CLPB: variants seen among roughly 807,000 people sequenced by gnomAD.
The protein encoded by CLPB is ClpB family mitochondrial disaggregase.
In CLPB, 40 loss-of-function variants were observed where a neutral mutation model predicts 78.4. The ratio of observed to expected loss-of-function variants is 0.51; its 90% CI spans 0.40 to 0.66. CLPB has a LOEUF of 0.66. Ranked by LOEUF, CLPB falls within the 30% of genes least tolerant of loss-of-function variation. CLPB has a pLI of 0.00. For missense variants in CLPB, 780 were observed against 886.9 expected, an observed-to-expected ratio of 0.88 and a Z score of 1.53; for synonymous variants, 333 against 348.0, an observed-to-expected ratio of 0.96 and a Z score of 0.48.
In CLPB at chr11:72,411,560, T is replaced by A. The variant is rs1855875864; in HGVS notation, c.456-8508A>T. On this transcript the variant is annotated intron_variant, in intron 2 of 15. Coordinates refer to ENST00000538039, the MANE Select transcript of CLPB (RefSeq NM_001258392.3). ...GTGTAGCATCAAAATGAAAATTGAG[T>A]AGATTCCTAGCAGACGCTGCACTCA... 1.3e-5 allele frequency among the ~76,000 whole-genome samples: 2 copies of A among 152,082 alleles called. 1 individual carries two copies. The highest frequency in any genetic ancestry group is 4.1e-4 in the South Asian group (2 of 4,826).
chr11:72,340,858 T>G (rs187020876), intron 5 of CLPB, among the ~76,000 whole-genome samples: 1 of 152,330 alleles, frequency 6.6e-6, no homozygotes, highest in East Asian at 1.9e-4. Context: ...GAGTTATTAT[T>G]ATTATTTTTT....
chr11:72,322,399 A>C (rs2135537162), intron 6 of CLPB, among the ~76,000 whole-genome samples: 1 of 152,310 alleles, frequency 6.6e-6, no homozygotes, highest in East Asian at 1.9e-4. Context: ...TGCTCGTCTC[A>C]GGTGGAACTC....
chr11:72,404,788 C>T (rs1240672782), intron 2 of CLPB, among the ~76,000 whole-genome samples: 1 of 152,156 alleles, frequency 6.6e-6, no homozygotes, highest in Admixed American at 6.5e-5. Flanking sequence ...TGGGGTACAA[C>T]ATGTGAGGGA....
chr11:72,353,794 G>A (rs764616909), intron 5 of CLPB, among the ~76,000 whole-genome samples: 17 of 152,262 alleles, frequency 1.1e-4, no homozygotes, highest in South Asian at 8.3e-4. Flanking sequence ...CAGAGAGGCC[G>A]AACAAACTGC....
chr11:72,339,311 C>A (rs1950375813), intron 5 of CLPB, among the ~76,000 whole-genome samples: 1 of 152,118 alleles, frequency 6.6e-6, no homozygotes, highest in Non-Finnish European at 1.5e-5. Flanking sequence ...TAGAGGGCAC[C>A]TGAGAAAAAT....
At chr11:72,404,674 C>T (rs888161364) in intron 2 of CLPB, among the ~76,000 whole-genome samples, 1 of 152,138 alleles carries the variant, frequency 6.6e-6, no homozygotes, top group Non-Finnish European at 1.5e-5. Context: ...ACTGGCCAAA[C>T]AAAAGCAGGT....
At chr11:72,314,305 C>T (rs955521582) in intron 7 of CLPB, among the ~76,000 whole-genome samples, 1 of 152,104 alleles carries the variant, frequency 6.6e-6, no homozygotes, top group Non-Finnish European at 1.5e-5. Context: ...AGAAAGCTGC[C>T]GGGTATGTGC....
At chr11:72,337,571 T>A (rs1037887344) in intron 5 of CLPB, among the ~76,000 whole-genome samples, 6 of 152,186 alleles carry the variant, frequency 3.9e-5, no homozygotes, top group African/African-American at 1.4e-4. Context: ...TAAAATAATT[T>A]ACCCATGGTC....
intron 4 of CLPB, chr11:72,363,247 A>AATAG (rs1950875917): frequency 6.6e-6 from 1 of 152,264 alleles, no homozygotes; most frequent in South Asian, 2.1e-4. Context: ...TGAGCATAAG[A>AATAG]ATAGAGTTCT....
chr11:72,401,390 C>G (rs1855557130), intron 3 of CLPB, among the ~76,000 whole-genome samples: 1 of 152,062 alleles, frequency 6.6e-6, no homozygotes, highest in South Asian at 2.1e-4. Flanking sequence ...TGCAGTGATC[C>G]AAGATCGCGC....
At chr11:72,404,987 G>A (rs773789607) in intron 2 of CLPB, among the ~76,000 whole-genome samples, 7 of 152,198 alleles carry the variant, frequency 4.6e-5, no homozygotes, top group Non-Finnish European at 7.3e-5. Context: ...TTGTTTAGCA[G>A]GCCACGTGAT....
At chr11:72,421,353 G>A (rs939486583) in intron 2 of CLPB, among the ~76,000 whole-genome samples, 3 of 151,942 alleles carry the variant, frequency 2.0e-5, no homozygotes, top group Non-Finnish European at 2.9e-5. Flanking sequence ...ACGTGTTTCC[G>A]TGTCATCTTA....
At chr11:72,386,695 T>G (rs147859079) in intron 3 of CLPB, among the ~76,000 whole-genome samples, 1 of 152,246 alleles carries the variant, frequency 6.6e-6, no homozygotes, top group Non-Finnish European at 1.5e-5. Flanking sequence ...GTGAGTCTTC[T>G]GTGCCTACTC....
At chr11:72,418,712 G>A (rs999986035) in intron 2 of CLPB, among the ~76,000 whole-genome samples, 2 of 151,920 alleles carry the variant, frequency 1.3e-5, no homozygotes, top group African/African-American at 2.4e-5. Flanking sequence ...AAAATTAGCC[G>A]GGTGTGGTGG....
At chr11:72,303,276 A>G (rs1256417180) in intron 9 of CLPB, among the ~76,000 whole-genome samples, 1 of 152,210 alleles carries the variant, frequency 6.6e-6, no homozygotes, top group Non-Finnish European at 1.5e-5. Flanking sequence ...GCTTCTCCTG[A>G]GAGCCGGTGA....
chr11:72,425,869 T>C (rs868817566), intron 2 of CLPB, among the ~76,000 whole-genome samples: 1 of 152,200 alleles, frequency 6.6e-6, no homozygotes, highest in African/African-American at 2.4e-5. Context: ...CCATTTCCTC[T>C]GGAAGTCTTT....
At chr11:72,348,813 C>G (rs891771680) in intron 5 of CLPB, among the ~76,000 whole-genome samples, 2 of 152,180 alleles carry the variant, frequency 1.3e-5, no homozygotes, top group Admixed American at 1.3e-4. Context: ...GCCTAGTACC[C>G]ATTAATTCAA....
chr11:72,347,906 A>G (rs2135583746), intron 5 of CLPB, among the ~76,000 whole-genome samples: 1 of 152,310 alleles, frequency 6.6e-6, no homozygotes, highest in East Asian at 1.9e-4. Context: ...AAAAGATTCA[A>G]CCGGTCATTG....
At chr11:72,321,541 G>T (rs748867164) in intron 6 of CLPB, among the ~76,000 whole-genome samples, 1 of 152,192 alleles carries the variant, frequency 6.6e-6, no homozygotes. Flanking sequence ...AGCTGGGCTC[G>T]CTTTGCTTAG....
Sources: gnomAD v4.1 joint callset for allele counts (sites outside exome capture counted in the v4.1 genomes callset) on GRCh38, gnomAD v4.1.1 for gene constraint, MANE v1.5 for transcripts, NCBI Gene and HGNC (gene_info 2026-07-23, HGNC 2026-07-21) for gene names.